The following SH3TC1 variants were observed in gnomAD, a reference collection of about 807,000 sequenced individuals.
SH3TC1 encodes SH3 domain and tetratricopeptide repeat-containing protein 1.
In SH3TC1, 135 loss-of-function variants were observed where a neutral mutation model predicts 117.3. That is an observed-to-expected ratio of 1.15 (90% CI 1.00 to 1.33). SH3TC1 has a LOEUF of 1.33. SH3TC1 is among the 40% of genes most tolerant of loss of function. SH3TC1 has a pLI of 0.00. For synonymous variants in SH3TC1, 898 were observed against 816.9 expected, an observed-to-expected ratio of 1.10 and a Z score of -1.69; for missense variants, 2,092 against 1,794.3, an observed-to-expected ratio of 1.17 and a Z score of -3.00.
chr4:8,190,358 C>T lies in SH3TC1; in HGVS notation c.-57+8148C>T, dbSNP rs1294681726. The stretch of plus-strand genomic sequence containing the variant: ...TGTAAGCCAAGGTCAGGATCAACCC[C>T]CATCACTGGGCTCTGCAGAATGCCA... On this transcript the variant is annotated intron_variant, in intron 1 of 16. Transcript: ENST00000508641. The surrounding 1 kb of genome is among the most constrained non-coding windows in gnomAD (Gnocchi z 4.7). Among the ~76,000 whole-genome samples, 2 of 152,132 alleles carry T rather than the reference C, an allele frequency of 1.3e-5. No individual in the cohort carries two copies. Among genetic ancestry groups the T allele is most frequent in the African/African-American group, 4.8e-5 (2 of 41,432 alleles).
chr4:8,230,571 T>C (rs1721100803), intron 12 of SH3TC1, among the ~76,000 whole-genome samples: 1 of 152,210 alleles, frequency 6.6e-6, no homozygotes, highest in Non-Finnish European at 1.5e-5. Context: ...ATTCTCTGTA[T>C]TTTTACTTCC....
chr4:8,231,691 C>G (rs753639078), intron 12 of SH3TC1: 1 of 454,810 alleles, frequency 2.2e-6, no homozygotes, highest in Admixed American at 3.9e-5. Flanking sequence ...GAAGGCGGCC[C>G]TGGTCCTGGC....
At chr4:8,187,904 G>T (rs1345292105) in intron 1 of SH3TC1, among the ~76,000 whole-genome samples, 1 of 152,088 alleles carries the variant, frequency 6.6e-6, no homozygotes, top group African/African-American at 2.4e-5. Context: ...CCTGTGTTTT[G>T]TTGCTCACTT....
intron 1 of SH3TC1, among the ~76,000 whole-genome samples, chr4:8,200,784 C>A (rs1390253234): frequency 7.9e-5 from 12 of 152,238 alleles, no homozygotes. Context: ...CTGCCTCTTC[C>A]CGCTGCCTGT....
At chr4:8,191,457 G>A (rs189802038) in intron 1 of SH3TC1, among the ~76,000 whole-genome samples, 487 of 152,362 alleles carry the variant, frequency 3.2e-3, no homozygotes, top group Non-Finnish European at 5.0e-3. Flanking sequence ...GTTTTGCAAA[G>A]AGCAGTTCCT....
At chr4:8,235,284 G>A (rs1721700637) in intron 14 of SH3TC1, 149 bp from the exon 15 acceptor site, 2 of 925,428 alleles carry the variant, frequency 2.2e-6, no homozygotes, top group African/African-American at 1.7e-5. Context: ...TGCCAGCGGT[G>A]GGGGCGGCCC....
In SH3TC1 at chr4:8,232,785, G is replaced by A. The variant is rs545479607; in HGVS notation, c.3132-578G>A. The stretch of plus-strand genomic sequence containing the variant: ...AAGGAGCCGGATTCCACAGGGACCC[G>A]GGAGATCGGCTCCAGCCTTGGCCTC... On this transcript the variant is annotated intron_variant, in intron 13 of 17. Coordinates refer to ENST00000245105, the MANE Select transcript of SH3TC1 (RefSeq NM_018986.5). 3.2e-4 allele frequency: 416 copies of A among 1,288,736 alleles called. 1 individual carries two copies. Among genetic ancestry groups the A allele is most frequent in the Non-Finnish European group, 4.1e-4 (403 of 988,778 alleles). The allele number at this position is 1,288,736 out of a possible 1,614,324, so 79.8% of individuals were successfully genotyped here.
At chr4:8,208,495 G>A (rs1260849192) in intron 2 of SH3TC1, among the ~76,000 whole-genome samples, 1 of 151,934 alleles carries the variant, frequency 6.6e-6, no homozygotes, top group Non-Finnish European at 1.5e-5. Context: ...AGCCTCCCGA[G>A]TAGCTGGGAC....
chr4:8,233,163 G>T, intron 13 of SH3TC1, 200 bp from the exon 14 acceptor site: 7 of 1,393,040 alleles, frequency 5.0e-6, no homozygotes, highest in Non-Finnish European at 6.5e-6. Flanking sequence ...AGTTCCCTCA[G>T]AAGGATGTCC....
At chr4:8,239,057 G>A (rs1310593817) in intron 17 of SH3TC1, among the ~76,000 whole-genome samples, 1 of 152,224 alleles carries the variant, frequency 6.6e-6, no homozygotes, top group African/African-American at 2.4e-5. Context: ...GGGCCTGGAA[G>A]GCTGGCAGAG....
rs1258791887 is a variant in SH3TC1 at position 8,241,014 on chromosome 4, G to C, written c.*59G>C. 3.8e-6 allele frequency: 6 copies of C among 1,574,864 alleles called. No homozygotes were observed. The highest frequency in any genetic ancestry group is 3.3e-5 in the South Asian group (3 of 89,836). On this transcript the variant is annotated 3_prime_UTR_variant, in exon 18 of 18. Coordinates refer to ENST00000245105, the MANE Select transcript of SH3TC1 (RefSeq NM_018986.5). ...GGCTGGGGGTCTCCTGCCTCTCCTG[G>C]TGTCGCCGGTGGCTCATTTTCTGGC...
intron 3 of SH3TC1, 141 bp from the exon 4 acceptor site, chr4:8,212,560 G>A: frequency 8.6e-7 from 1 of 1,159,252 alleles, no homozygotes; most frequent in Non-Finnish European, 1.2e-6. Context: ...TCTAAACCCG[G>A]GGCTTGGGCT....
At chr4:8,230,650 C>A (rs1008666857) in intron 12 of SH3TC1, among the ~76,000 whole-genome samples, 1 of 151,884 alleles carries the variant, frequency 6.6e-6, no homozygotes, top group East Asian at 1.9e-4. Flanking sequence ...TCTTCTTTTT[C>A]TAGTTTCTTA....
chr4:8,205,462 C>G lies in SH3TC1; in HGVS notation c.172+96C>G. The G allele has an allele frequency of 1.3e-6, 2 of 1,490,654 alleles. No homozygotes were observed. The highest frequency in any genetic ancestry group is 1.2e-5 in the South Asian group (1 of 85,296). The allele number at this position is 1,490,654 out of a possible 1,614,324, so 92.3% of individuals were successfully genotyped here. Reference sequence around the variant, plus strand: ...CCATCCCTCACCACCCTGCCTGCCTCCAGGCCTCTTGGGGCTGGGGCTGGA... The same window carrying G: ...CCATCCCTCACCACCCTGCCTGCCTGCAGGCCTCTTGGGGCTGGGGCTGGA... On this transcript the variant is annotated intron_variant, in intron 2 of 17. Transcript: ENST00000245105. The surrounding 1 kb of genome is among the most constrained non-coding windows in gnomAD (Gnocchi z 5.4).
intron 1 of SH3TC1, among the ~76,000 whole-genome samples, chr4:8,188,432 C>G (rs1490275438): frequency 6.6e-6 from 1 of 152,244 alleles, no homozygotes; most frequent in Non-Finnish European, 1.5e-5. Context: ...CTTTGTGGGA[C>G]CCCTCCCCTA....
intron 1 of SH3TC1, among the ~76,000 whole-genome samples, chr4:8,204,138 G>T (rs754918324): frequency 1.3e-5 from 2 of 152,204 alleles, no homozygotes; most frequent in African/African-American, 4.8e-5. Context: ...TGGCCGTCCC[G>T]GTTCTCCATG....
chr4:8,240,558 C>A, intron 17 of SH3TC1, 140 bp from the exon 18 acceptor site: 1 of 1,380,256 alleles, frequency 7.2e-7, no homozygotes, highest in Non-Finnish European at 1.0e-6. Flanking sequence ...CAGCTGAGCC[C>A]ACAGCAGTGT....
rs1721744945 is a variant in SH3TC1, at chr4:8,235,654, A to G, written c.3405+99A>G. ...GGGCAGAGCCCTCGCACCTGGAGGC[A>G]GGGCCGCCCATGCACATGCTTAGTT... On this transcript the variant is annotated intron_variant, in intron 15 of 17. Transcript: ENST00000245105. 11 of 1,422,184 alleles carry G rather than the reference A, an allele frequency of 7.7e-6. No homozygotes were observed. The South Asian group carries it at 1.1e-4, about 15-fold the overall frequency. The allele number at this position is 1,422,184 out of a possible 1,614,324, so 88.1% of individuals were successfully genotyped here.
At chr4:8,218,179 C>T in intron 7 of SH3TC1, 92 bp from the exon 8 acceptor site, 1 of 856,752 alleles carries the variant, frequency 1.2e-6, no homozygotes, top group Non-Finnish European at 1.9e-6. Flanking sequence ...GCTCAGGTTG[C>T]TGGGGGCTGC....
Sources: allele counts gnomAD v4.1 joint callset (sites outside exome capture counted in the v4.1 genomes callset), GRCh38; gene constraint gnomAD v4.1.1; non-coding constraint Gnocchi (gnomAD v3.1); transcripts MANE v1.5; gene names NCBI Gene and HGNC (gene_info 2026-07-23, HGNC 2026-07-21).